Variants in ZC3H12B observed in about 807,000 individuals in gnomAD.
The protein encoded by ZC3H12B is probable ribonuclease ZC3H12B.
A neutral mutation model predicts 43.9 loss-of-function variants in ZC3H12B; 7 were observed. That is an observed-to-expected ratio of 0.16 (90% CI 0.09 to 0.30). The LOEUF (loss-of-function observed/expected upper bound fraction) is 0.30. Ranked by LOEUF, ZC3H12B falls within the 10% of genes least tolerant of loss-of-function variation. The pLI is 1.00. For missense variants in ZC3H12B, 475 were observed against 670.2 expected (o/e 0.71, Z 3.22); for synonymous variants, 222 against 241.7 (o/e 0.92, Z 0.76).
the ZC3H12B span, among the ~76,000 whole-genome samples, chrX:65,159,042 T>A: frequency 6.2e-5 from 7 of 112,049 alleles, no homozygotes; most frequent in Admixed American, 5.7e-4. Context: ...CCTTTCCCCA[T>A]TGCTTGTTTT....
At chrX:65,280,989 C>G in the ZC3H12B span, among the ~76,000 whole-genome samples, 1 of 111,513 alleles carries the variant, frequency 9.0e-6, no homozygotes, top group African/African-American at 3.3e-5. Flanking sequence ...CAATTTCCAT[C>G]AAAATACAAT....
At chrX:65,080,702 C>G in the ZC3H12B span, among the ~76,000 whole-genome samples, 10 of 111,648 alleles carry the variant, frequency 9.0e-5, no homozygotes, top group Admixed American at 9.5e-4. Flanking sequence ...TAATCAATAA[C>G]AGACCTATCC....
chrX:65,372,629 G>A (rs745841165), intron 2 of ZC3H12B, among the ~76,000 whole-genome samples: 1 of 108,720 alleles, frequency 9.2e-6, no homozygotes, highest in African/African-American at 3.4e-5. Context: ...AGAGAGGAAG[G>A]GAGGAAGGGA....
chrX:65,158,835 A>T, the ZC3H12B span, among the ~76,000 whole-genome samples: 6 of 111,852 alleles, frequency 5.4e-5, no homozygotes, highest in African/African-American at 1.3e-4. Flanking sequence ...TTTTAGACAT[A>T]AAGTCCTTGC....
chrX:65,263,052 T>C, the ZC3H12B span, among the ~76,000 whole-genome samples: 1 of 111,219 alleles, frequency 9.0e-6, no homozygotes, highest in South Asian at 3.7e-4. Context: ...TTTGGGCAAA[T>C]TCATTAGTTT....
At chrX:65,070,945 C>G in the ZC3H12B span, among the ~76,000 whole-genome samples, 1 of 104,625 alleles carries the variant, frequency 9.6e-6, no homozygotes, top group Admixed American at 1.1e-4. Flanking sequence ...GTAGAGAGTT[C>G]TGTAAATGTG....
At chrX:65,167,811 T>C in the ZC3H12B span, among the ~76,000 whole-genome samples, 1 of 111,717 alleles carries the variant, frequency 9.0e-6, no homozygotes, top group East Asian at 2.8e-4. Context: ...ATTGTGAATG[T>C]GAGTTCACTC....
chrX:65,382,604 G>A (rs1001663973), intron 2 of ZC3H12B, among the ~76,000 whole-genome samples: 2 of 111,306 alleles, frequency 1.8e-5, no homozygotes, highest in Non-Finnish European at 3.8e-5. Context: ...TCTGGCTAGG[G>A]CAATCAGGCA....
At chrX:65,297,122 A>G in the ZC3H12B span, among the ~76,000 whole-genome samples, 1 of 111,617 alleles carries the variant, frequency 9.0e-6, no homozygotes, top group Non-Finnish European at 1.9e-5. Context: ...CTCTTTATTC[A>G]ACATAGTACT....
At chrX:65,222,219 T>A in the ZC3H12B span, among the ~76,000 whole-genome samples, 1 of 111,719 alleles carries the variant, frequency 9.0e-6, no homozygotes, top group African/African-American at 3.2e-5. Flanking sequence ...AAAAGCCATC[T>A]ATGACAAATC....
At chrX:65,433,268 C>T (rs754900152) in intron 3 of ZC3H12B, among the ~76,000 whole-genome samples, 22 of 112,165 alleles carry the variant, frequency 2.0e-4, no homozygotes, top group African/African-American at 3.6e-4. Context: ...AATAGTGATG[C>T]GATGAGAGTC....
At chrX:65,231,115 T>C in the ZC3H12B span, among the ~76,000 whole-genome samples, 1 of 110,758 alleles carries the variant, frequency 9.0e-6, no homozygotes, top group Non-Finnish European at 1.9e-5. Flanking sequence ...CAACTGGGCC[T>C]CCGGAGGTGC....
chrX:65,459,740 C>A (rs1162071137), intron 3 of ZC3H12B, among the ~76,000 whole-genome samples: 1 of 111,667 alleles, frequency 9.0e-6, no homozygotes, highest in Non-Finnish European at 1.9e-5. Flanking sequence ...GACAACCCCA[C>A]AGCCAATATC....
chrX:65,428,079 A>T (rs1394019793), intron 3 of ZC3H12B, among the ~76,000 whole-genome samples: 1 of 112,009 alleles, frequency 8.9e-6, no homozygotes, highest in African/African-American at 3.2e-5. Flanking sequence ...AAGAATGTTG[A>T]ATACTGGCCT....
At chrX:65,373,997 G>GT (rs1556058412) in intron 2 of ZC3H12B, among the ~76,000 whole-genome samples, 8 of 8,165 alleles carry the variant, frequency 9.8e-4, no homozygotes, top group African/African-American at 5.4e-3. Context: ...TATATATATA[G>GT]TATATATATA....
the ZC3H12B span, among the ~76,000 whole-genome samples, chrX:65,090,152 C>T: frequency 2.7e-5 from 3 of 111,862 alleles, no homozygotes; most frequent in South Asian, 1.1e-3. Context: ...ATGGCAGTAC[C>T]GTAGGTTTGT....
chrX:65,095,190 A>C, the ZC3H12B span, among the ~76,000 whole-genome samples: 6 of 112,099 alleles, frequency 5.4e-5, no homozygotes, highest in Middle Eastern at 0.014. Flanking sequence ...GTTAGATTAC[A>C]AAATGGATCT....
the ZC3H12B span, chrX:65,271,727 G>C: frequency 8.2e-6 from 1 of 122,058 alleles, no homozygotes; most frequent in African/African-American, 3.2e-5. Context: ...TATTAAAATA[G>C]TTAAGTAACT....
At chrX:65,497,001 G>T in intron 1 of ZC3H12B, 131 bp from the exon 7 acceptor site, 2 of 439,393 alleles carry the variant, frequency 4.6e-6, no homozygotes, top group Non-Finnish European at 6.9e-6. Flanking sequence ...AAGGAAGAAA[G>T]AAAGAGAGAA....
Sources: gnomAD v4.1 joint callset for allele counts (sites outside exome capture counted in the v4.1 genomes callset) on GRCh38, gnomAD v4.1.1 for gene constraint, MANE v1.5 for transcripts, NCBI Gene and HGNC (gene_info 2026-07-23, HGNC 2026-07-21) for gene names.